ZNF423: variants seen among roughly 807,000 people sequenced by gnomAD.
ZNF423 encodes the protein Ebf-associated zinc finger protein.
ZNF423 carries 12 observed loss-of-function variants against 95.8 expected under a neutral mutation model. That is an observed-to-expected ratio of 0.13 (90% CI 0.08 to 0.20). The LOEUF (loss-of-function observed/expected upper bound fraction) is 0.20. Ranked by LOEUF, ZNF423 falls within the 10% of genes least tolerant of loss-of-function variation. The pLI is 1.00. For synonymous variants in ZNF423, 749 were observed against 711.9 expected (o/e 1.05, Z -0.83); for missense variants, 1,316 against 1,737.1 (o/e 0.76, Z 4.31).
intron 3 of ZNF423, among the ~76,000 whole-genome samples, chr16:49,720,225 C>T (rs190327858): frequency 1.6e-4 from 24 of 152,324 alleles, no homozygotes; most frequent in Admixed American, 1.5e-3. Flanking sequence ...CCACAAGATG[C>T]AAACAAAGAA....
At chr16:49,680,803 G>A (rs1489977799) in intron 3 of ZNF423, among the ~76,000 whole-genome samples, 2 of 152,206 alleles carry the variant, frequency 1.3e-5, no homozygotes, top group Admixed American at 1.3e-4. Context: ...CTGGTAGCAT[G>A]AGCCGAGCAC....
intron 2 of ZNF423, among the ~76,000 whole-genome samples, chr16:49,762,136 A>G (rs1300637614): frequency 6.6e-6 from 1 of 152,252 alleles, no homozygotes; most frequent in Admixed American, 6.5e-5. Flanking sequence ...AAAGCTGCTC[A>G]GCAAAGGCGT....
intron 3 of ZNF423, among the ~76,000 whole-genome samples, chr16:49,723,615 T>C (rs2032928531): frequency 6.6e-6 from 1 of 152,234 alleles, no homozygotes; most frequent in African/African-American, 2.4e-5. Context: ...GGGTTATATT[T>C]AGAAAGGCCT....
At chr16:49,648,223 A>G (rs1238619520) in intron 3 of ZNF423, among the ~76,000 whole-genome samples, 1 of 152,228 alleles carries the variant, frequency 6.6e-6, no homozygotes, top group Non-Finnish European at 1.5e-5. Context: ...TATGACTCAC[A>G]GTTATGTGGG....
intron 3 of ZNF423, among the ~76,000 whole-genome samples, chr16:49,670,867 T>G (rs1239267977): frequency 6.6e-6 from 1 of 152,150 alleles, no homozygotes; most frequent in Non-Finnish European, 1.5e-5. Flanking sequence ...CCTTTTTAAG[T>G]GTGTGGGCTC....
intron 5 of ZNF423, among the ~76,000 whole-genome samples, chr16:49,587,940 G>A (rs116965720): frequency 4.7e-4 from 72 of 151,922 alleles, no homozygotes; most frequent in Admixed American, 1.2e-3. Context: ...CTATTCCCAC[G>A]CACACATAAC....
intron 7 of ZNF423, among the ~76,000 whole-genome samples, chr16:49,502,943 C>T (rs9796853): frequency 0.43 from 62,327 of 143,456 alleles, 14,455 homozygotes; most frequent in African/African-American, 0.62. Flanking sequence ...CACACACACA[C>T]ATGGATGCCC....
At chr16:49,650,189 C>G (rs1464704009) in intron 3 of ZNF423, among the ~76,000 whole-genome samples, 1 of 152,192 alleles carries the variant, frequency 6.6e-6, no homozygotes, top group African/African-American at 2.4e-5. Context: ...GGACTCAAAA[C>G]TTAGCTTAGG....
chr16:49,778,623 CCA>C (rs1216025498), intron 2 of ZNF423, among the ~76,000 whole-genome samples: 2 of 150,958 alleles, frequency 1.3e-5, no homozygotes, highest in Non-Finnish European at 2.9e-5. Context: ...AGACTCAGTT[CCA>C]CCCCAAATCT....
At chr16:49,519,467 G>T (rs1968295698) in intron 7 of ZNF423, among the ~76,000 whole-genome samples, 1 of 152,130 alleles carries the variant, frequency 6.6e-6, no homozygotes, top group African/African-American at 2.4e-5. Context: ...CATTTATGTG[G>T]GTGGCATCAG....
chr16:49,747,851 G>A (rs148764633), intron 2 of ZNF423, among the ~76,000 whole-genome samples: 12 of 152,362 alleles, frequency 7.9e-5, no homozygotes, highest in African/African-American at 2.6e-4. Flanking sequence ...CAGGGCACAA[G>A]GCAAGTTAGT....
At chr16:49,849,376 CA>C (rs904008354) in intron 1 of ZNF423, among the ~76,000 whole-genome samples, 2 of 151,758 alleles carry the variant, frequency 1.3e-5, no homozygotes, top group South Asian at 4.2e-4. Flanking sequence ...GTAGTCTCCA[CA>C]AAAAAAAGAA....
intron 5 of ZNF423, among the ~76,000 whole-genome samples, chr16:49,604,514 T>C (rs187191940): frequency 4.2e-4 from 64 of 152,272 alleles, no homozygotes; most frequent in African/African-American, 1.5e-3. Flanking sequence ...GCCTCGTTTC[T>C]AGTCTCCATC....
At chr16:49,664,301 C>T (rs1210212643) in intron 3 of ZNF423, 2 of 985,682 alleles carry the variant, frequency 2.0e-6, no homozygotes, top group Non-Finnish European at 2.4e-6. Context: ...TGTGCTGCTC[C>T]CGCGGCGGCG....
intron 2 of ZNF423, among the ~76,000 whole-genome samples, chr16:49,740,014 G>A (rs1039630505): frequency 1.3e-5 from 2 of 151,844 alleles, no homozygotes; most frequent in South Asian, 2.1e-4. Flanking sequence ...GCCTGCCAAC[G>A]CACTCGGCTA....
At chr16:49,703,727 C>T (rs1052166768) in intron 3 of ZNF423, among the ~76,000 whole-genome samples, 5 of 152,246 alleles carry the variant, frequency 3.3e-5, no homozygotes, top group African/African-American at 1.2e-4. Flanking sequence ...TGGATTCCTT[C>T]CCACCAGCTG....
At chr16:49,818,853 C>T (rs551299016) in intron 1 of ZNF423, among the ~76,000 whole-genome samples, 18 of 152,284 alleles carry the variant, frequency 1.2e-4, no homozygotes, top group African/African-American at 4.3e-4. Context: ...TGCCAGTGTA[C>T]TCCAGCTTGG....
At chr16:49,667,940 C>G (rs887228922) in intron 3 of ZNF423, among the ~76,000 whole-genome samples, 3 of 152,118 alleles carry the variant, frequency 2.0e-5, no homozygotes, top group African/African-American at 4.8e-5. Flanking sequence ...AGGTGAGAAG[C>G]CTGGGCTGGC....
At chr16:49,684,602 C>T (rs572741269) in intron 3 of ZNF423, among the ~76,000 whole-genome samples, 38 of 152,260 alleles carry the variant, frequency 2.5e-4, no homozygotes, top group African/African-American at 8.4e-4. Flanking sequence ...AAGCTGAGCC[C>T]CTCAAGGTTC....
Sources: gnomAD v4.1 joint callset for allele counts (sites outside exome capture counted in the v4.1 genomes callset) on GRCh38, gnomAD v4.1.1 for gene constraint, MANE v1.5 for transcripts, NCBI Gene and HGNC (gene_info 2026-07-23, HGNC 2026-07-21) for gene names.